ADGRL3: variants seen among roughly 807,000 people sequenced by gnomAD.
ADGRL3 encodes calcium-independent alpha-latrotoxin receptor 3.
Under a neutral mutation model 153.5 loss-of-function variants are expected in ADGRL3, and 62 were observed. That is an observed-to-expected ratio of 0.40 (90% CI 0.33 to 0.50). The LOEUF (loss-of-function observed/expected upper bound fraction) is 0.50, where lower values mean the gene tolerates loss of function less well. Ranked by LOEUF, ADGRL3 falls within the 20% of genes least tolerant of loss-of-function variation. The pLI, the probability that ADGRL3 is intolerant of heterozygous loss-of-function variation, is 0.47. For synonymous variants in ADGRL3, 710 were observed against 672.5 expected (o/e 1.06, Z -0.86); for missense variants, 1,641 against 1,859.4 (o/e 0.88, Z 2.16).
intron 1 of ADGRL3, among the ~76,000 whole-genome samples, chr4:61,364,585 G>C (rs2096360518): frequency 6.6e-6 from 1 of 151,644 alleles, no homozygotes; most frequent in African/African-American, 2.4e-5. Context: ...TATTTTTGTA[G>C]CACACGAAAT....
At chr4:61,814,002 A>T in intron 9 of ADGRL3, 113 bp downstream of exon 9, 1 of 1,358,172 alleles carries the variant, frequency 7.4e-7, no homozygotes, top group Non-Finnish European at 1.0e-6. Flanking sequence ...AGCAGGGGTA[A>T]AATGAAGTAT....
chr4:62,071,589 A>G lies in ADGRL3; in HGVS notation c.*681A>G, dbSNP rs1745671492. ...ATGTACAGATACTAGCATTGCACAT[A>G]TAGTCTGCTTTCTGTTCCTCCAGAA... On this transcript the variant is annotated 3_prime_UTR_variant, in exon 27 of 27. Transcript: ENST00000683033. The G allele has an allele frequency of 6.2e-6, 2 of 321,726 alleles. No homozygotes were observed. Among genetic ancestry groups the G allele is most frequent in the Non-Finnish European group, 1.2e-5 (2 of 167,032 alleles). The allele number at this position is 321,726 out of a possible 1,614,324, so 19.9% of individuals were successfully genotyped here.
intron 2 of ADGRL3, chr4:61,385,652 C>T (rs1442089724): frequency 6.6e-6 from 1 of 152,136 alleles, no homozygotes; most frequent in Non-Finnish European, 1.5e-5. Flanking sequence ...ATCTTTCTCA[C>T]TAGTTTTTAA....
intron 1 of ADGRL3, among the ~76,000 whole-genome samples, chr4:61,325,822 T>C (rs1392694450): frequency 6.6e-6 from 1 of 152,218 alleles, no homozygotes; most frequent in African/African-American, 2.4e-5. Flanking sequence ...AGTAACTTAC[T>C]GTGGAAATAG....
chr4:61,905,428 A>G (rs2098690649), intron 11 of ADGRL3, among the ~76,000 whole-genome samples: 1 of 152,176 alleles, frequency 6.6e-6, no homozygotes, highest in Admixed American at 6.5e-5. Flanking sequence ...TACATTCATG[A>G]CCCACCAGTG....
intron 2 of ADGRL3, among the ~76,000 whole-genome samples, chr4:61,386,605 AG>A (rs2096739350): frequency 6.6e-6 from 1 of 152,154 alleles, no homozygotes; most frequent in African/African-American, 2.4e-5. Context: ...GATTTCTTGC[AG>A]GGAAGGAATA....
chr4:61,443,065 T>C (rs1032500321), intron 2 of ADGRL3, among the ~76,000 whole-genome samples: 29 of 152,276 alleles, frequency 1.9e-4, no homozygotes, highest in African/African-American at 6.7e-4. Flanking sequence ...AGCCATTTTG[T>C]TCTAAATCCA....
At chr4:61,695,013 A>G (rs1030588520) in intron 6 of ADGRL3, among the ~76,000 whole-genome samples, 1 of 152,082 alleles carries the variant, frequency 6.6e-6, no homozygotes, top group African/African-American at 2.4e-5. Context: ...TTCTAGTTCT[A>G]TTACTTCTCT....
intron 25 of ADGRL3, among the ~76,000 whole-genome samples, chr4:62,057,660 C>T (rs1737774783): frequency 6.6e-6 from 1 of 151,998 alleles, no homozygotes; most frequent in Admixed American, 6.6e-5. Flanking sequence ...TAATGATTCA[C>T]ATATATTGTT....
chr4:61,755,847 G>A (rs1364922802), intron 8 of ADGRL3, among the ~76,000 whole-genome samples: 1 of 152,144 alleles, frequency 6.6e-6, no homozygotes, highest in East Asian at 1.9e-4. Context: ...TGGCTAGCCA[G>A]TTTTCCCAGC....
At chr4:61,471,278 A>G (rs898719448) in intron 2 of ADGRL3, among the ~76,000 whole-genome samples, 1 of 151,750 alleles carries the variant, frequency 6.6e-6, no homozygotes, top group Admixed American at 6.6e-5. Flanking sequence ...AGCCTCCTCT[A>G]TATTGACTTA....
chr4:61,625,346 A>G (rs1043471867), intron 5 of ADGRL3, among the ~76,000 whole-genome samples: 4 of 152,078 alleles, frequency 2.6e-5, no homozygotes, highest in African/African-American at 9.7e-5. Context: ...TATTCCAAAA[A>G]CTACATGAAC....
At chr4:61,512,905 T>A (rs1460293791) in intron 3 of ADGRL3, among the ~76,000 whole-genome samples, 1 of 151,992 alleles carries the variant, frequency 6.6e-6, no homozygotes, top group African/African-American at 2.4e-5. Context: ...TAGGTTAGAG[T>A]CATAGCTATA....
intron 21 of ADGRL3, among the ~76,000 whole-genome samples, chr4:62,017,698 A>G (rs981602723): frequency 6.6e-5 from 10 of 152,162 alleles, no homozygotes; most frequent in African/African-American, 2.4e-4. Context: ...AAAAACTTTT[A>G]TGAGTAGACT....
chr4:61,757,916 T>G (rs1259565993), intron 8 of ADGRL3, among the ~76,000 whole-genome samples: 2 of 152,230 alleles, frequency 1.3e-5, no homozygotes, highest in Non-Finnish European at 2.9e-5. Context: ...TCAGTTTCCA[T>G]GTAGCTGAGA....
intron 6 of ADGRL3, among the ~76,000 whole-genome samples, chr4:61,704,393 C>G (rs906903617): frequency 6.6e-6 from 1 of 152,160 alleles, no homozygotes; most frequent in Non-Finnish European, 1.5e-5. Context: ...ATACTGTAGT[C>G]TATTAAGTGT....
chr4:61,562,966 G>A (rs1318691566), intron 4 of ADGRL3, among the ~76,000 whole-genome samples: 2 of 143,428 alleles, frequency 1.4e-5, no homozygotes, highest in Admixed American at 6.9e-5. Context: ...AAAAAAAAAG[G>A]TGATTCATTA....
At chr4:61,980,307 T>TTA (rs2099063532) in intron 18 of ADGRL3, among the ~76,000 whole-genome samples, 1 of 15,574 alleles carries the variant, frequency 6.4e-5, no homozygotes, top group East Asian at 0.01. Flanking sequence ...TAACCACTAA[T>TTA]TTTTTTTTTT....
At chr4:61,527,803 A>G (rs948606210) in intron 4 of ADGRL3, among the ~76,000 whole-genome samples, 1 of 152,194 alleles carries the variant, frequency 6.6e-6, no homozygotes, top group African/African-American at 2.4e-5. Context: ...CAATATAGCG[A>G]GGAGACAATA....
Sources: allele counts gnomAD v4.1 joint callset (sites outside exome capture counted in the v4.1 genomes callset), GRCh38; gene constraint gnomAD v4.1.1; transcripts MANE v1.5; gene names NCBI Gene and HGNC (gene_info 2026-07-23, HGNC 2026-07-21).